STXBP5L: variants seen among roughly 807,000 people sequenced by gnomAD.
STXBP5L encodes the protein syntaxin-binding protein 5-like.
In STXBP5L, 65 loss-of-function variants were observed where a neutral mutation model predicts 144.5. The ratio of observed to expected loss-of-function variants is 0.45; its 90% CI spans 0.37 to 0.55. STXBP5L has a LOEUF of 0.55. Ranked by LOEUF, STXBP5L falls within the 20% of genes least tolerant of loss-of-function variation. The probability of loss-of-function intolerance (pLI) is 0.00; values close to 1 mark genes in which losing one functional copy is unlikely to be tolerated. For missense variants in STXBP5L, 1,298 were observed against 1,405.5 expected (o/e 0.92, Z 1.22); for synonymous variants, 505 against 469.6 (o/e 1.08, Z -0.97).
intron 20 of STXBP5L, among the ~76,000 whole-genome samples, chr3:121,345,507 C>T (rs556230836): frequency 1.3e-5 from 2 of 151,978 alleles, no homozygotes; most frequent in African/African-American, 4.8e-5. Flanking sequence ...GATTTATAAT[C>T]CTTTGGGTAT....
intron 20 of STXBP5L, among the ~76,000 whole-genome samples, chr3:121,373,205 G>C (rs1231609676): frequency 6.6e-6 from 1 of 152,202 alleles, no homozygotes; most frequent in Admixed American, 6.5e-5. Context: ...AGGAAGCAAG[G>C]CACTCAGTTG....
intron 9 of STXBP5L, among the ~76,000 whole-genome samples, chr3:121,196,489 T>C (rs1308851732): frequency 1.1e-4 from 16 of 152,286 alleles, no homozygotes; most frequent in African/African-American, 3.8e-4. Flanking sequence ...TTTATCTGTG[T>C]TCAAAGAACC....
intron 3 of STXBP5L, among the ~76,000 whole-genome samples, chr3:120,966,096 A>G (rs2107768118): frequency 6.6e-6 from 1 of 152,268 alleles, no homozygotes; most frequent in South Asian, 2.1e-4. Flanking sequence ...TGCATGCGTC[A>G]CAAAGTTCTT....
chr3:121,413,253 C>G lies in STXBP5L; in HGVS notation c.3044C>G (p.Ala1015Gly). 1 of 1,609,076 alleles carries G rather than the reference C, an allele frequency of 6.2e-7. No homozygotes were observed. Among genetic ancestry groups the G allele is most frequent in the Non-Finnish European group, 8.5e-7 (1 of 1,178,486 alleles). ...RTFCFTNEGQ[A>G]LYLVSPTEIQ... The stretch of plus-strand genomic sequence containing the variant: ...TTTTGTTTTACCAATGAAGGACAGG[C>G]ATTATACCTCGTCTCTCCTACTGAA... Residue 1015 changes from alanine to glycine, a missense_variant, in exon 24 of 27, where the codon GCA becomes GGA. Transcript: ENST00000471454.
intron 5 of STXBP5L, among the ~76,000 whole-genome samples, chr3:121,076,587 G>A (rs2042027998): frequency 6.6e-6 from 1 of 151,992 alleles, no homozygotes; most frequent in Non-Finnish European, 1.5e-5. Flanking sequence ...TGATCCAGGT[G>A]CCCAGGCTGT....
intron 2 of STXBP5L, among the ~76,000 whole-genome samples, chr3:120,940,566 C>T (rs1710514904): frequency 6.7e-6 from 1 of 150,262 alleles, no homozygotes; most frequent in Non-Finnish European, 1.5e-5. Context: ...TGATAGGGTC[C>T]AGAGTAGAGA....
chr3:120,957,105 C>T (rs751637105), intron 3 of STXBP5L, among the ~76,000 whole-genome samples: 2 of 151,818 alleles, frequency 1.3e-5, no homozygotes, highest in South Asian at 2.1e-4. Context: ...GTACTGGCAC[C>T]CTTGTCAAAA....
At chr3:121,376,134 A>C (rs1342206706) in intron 20 of STXBP5L, among the ~76,000 whole-genome samples, 5 of 152,252 alleles carry the variant, frequency 3.3e-5, no homozygotes, top group African/African-American at 4.8e-5. Context: ...CACATATTCT[A>C]GCATTTGACA....
At chr3:120,942,892 C>T (rs1250865522) in intron 2 of STXBP5L, among the ~76,000 whole-genome samples, 4 of 151,290 alleles carry the variant, frequency 2.6e-5, no homozygotes, top group African/African-American at 9.7e-5. Context: ...ATGTCATTTT[C>T]TTCTAATCCT....
intron 22 of STXBP5L, among the ~76,000 whole-genome samples, chr3:121,385,286 G>T (rs1006067344): frequency 3.3e-5 from 5 of 152,086 alleles, no homozygotes; most frequent in African/African-American, 9.7e-5. Flanking sequence ...TTCCAGTCAT[G>T]GTGGAAGGCA....
At chr3:121,333,366 G>A (rs1480713602) in intron 20 of STXBP5L, among the ~76,000 whole-genome samples, 2 of 151,924 alleles carry the variant, frequency 1.3e-5, no homozygotes, top group East Asian at 3.9e-4. Flanking sequence ...TCTGGGACAC[G>A]GCTAAGTCAG....
chr3:121,081,251 A>G (rs1320080953), intron 5 of STXBP5L, among the ~76,000 whole-genome samples: 1 of 151,934 alleles, frequency 6.6e-6, no homozygotes, highest in East Asian at 1.9e-4. Flanking sequence ...TTTTATCCAT[A>G]TCCTGTATTT....
rs2044004934 is a variant in STXBP5L at position 121,322,492 on chromosome 3, A to AG, written c.2176+3952_2176+3953insG. Reference sequence around the variant, plus strand: ...AAACTGTGCCAAAAAAAAAAAAAAAAAGACATGACTTTCTTTTTTATGGCT... The same window carrying AG: ...AAACTGTGCCAAAAAAAAAAAAAAAAGAGACATGACTTTCTTTTTTATGGCT... On this transcript the variant is annotated intron_variant, in intron 20 of 26. Coordinates refer to ENST00000471454, the MANE Select transcript of STXBP5L (RefSeq NM_001308330.2). 3.3e-5 allele frequency among the ~76,000 whole-genome samples: 5 copies of AG among 151,558 alleles called. No homozygotes were observed. The South Asian group carries it at 1.0e-3, about 32-fold the overall frequency.
chr3:121,400,013 T>C (rs1451597789), intron 22 of STXBP5L, among the ~76,000 whole-genome samples: 1 of 152,260 alleles, frequency 6.6e-6, no homozygotes, highest in African/African-American at 2.4e-5. Flanking sequence ...AGTTCCCAGA[T>C]GTGCTGAGTC....
At chr3:121,374,395 C>A (rs930040909) in intron 20 of STXBP5L, among the ~76,000 whole-genome samples, 1 of 151,604 alleles carries the variant, frequency 6.6e-6, no homozygotes, top group Admixed American at 6.6e-5. Flanking sequence ...CATGTGAACA[C>A]AAAAAATCAA....
intron 2 of STXBP5L, among the ~76,000 whole-genome samples, chr3:120,934,187 G>A (rs1391786400): frequency 6.7e-6 from 1 of 149,694 alleles, no homozygotes; most frequent in East Asian, 2.0e-4. Flanking sequence ...AATTTCTGGT[G>A]CTAAATTGTC....
intron 22 of STXBP5L, among the ~76,000 whole-genome samples, 175 bp from the exon 23 acceptor site, chr3:121,407,068 A>G (rs2047008592): frequency 6.6e-6 from 1 of 151,944 alleles, no homozygotes; most frequent in Admixed American, 6.6e-5. Context: ...TTTAGACCTA[A>G]CATTCTATGA....
chr3:121,057,733 T>C (rs954765590), intron 5 of STXBP5L, among the ~76,000 whole-genome samples: 3 of 152,114 alleles, frequency 2.0e-5, no homozygotes, highest in Non-Finnish European at 4.4e-5. Flanking sequence ...TTTAGTTCTC[T>C]TTCTTAAACT....
intron 3 of STXBP5L, among the ~76,000 whole-genome samples, chr3:121,019,836 A>G (rs191038025): frequency 7.9e-4 from 121 of 152,292 alleles, no homozygotes; most frequent in Admixed American, 3.7e-3. Flanking sequence ...AACTGGAAAC[A>G]CAATTCCGGT....
Sources: gnomAD v4.1 joint callset for allele counts (sites outside exome capture counted in the v4.1 genomes callset) on GRCh38, gnomAD v4.1.1 for gene constraint, MANE v1.5 for transcripts, NCBI Gene and HGNC (gene_info 2026-07-23, HGNC 2026-07-21) for gene names.